Variants in CERKL observed in about 807,000 individuals in gnomAD.
The protein encoded by CERKL is ceramide kinase-like protein.
A neutral mutation model predicts 63.4 loss-of-function variants in CERKL; 61 were observed. The ratio of observed to expected loss-of-function variants is 0.96; its 90% CI spans 0.78 to 1.19. The LOEUF (loss-of-function observed/expected upper bound fraction) is 1.19. Ranked by LOEUF, CERKL falls within the 50% of genes most tolerant of loss-of-function variation. The pLI, the probability that CERKL is intolerant of heterozygous loss-of-function variation, is 0.00. For synonymous variants in CERKL, 250 were observed against 230.5 expected (o/e 1.08, Z -0.77); for missense variants, 675 against 655.5 (o/e 1.03, Z -0.33).
chr2:181,597,266 T>G (rs1685257890), intron 2 of CERKL, among the ~76,000 whole-genome samples: 1 of 152,196 alleles, frequency 6.6e-6, no homozygotes. Context: ...TCTGATAAAA[T>G]TAGGAGTTTG....
intron 1 of CERKL, among the ~76,000 whole-genome samples, chr2:181,651,495 A>G (rs10178686): frequency 0.25 from 38,262 of 152,100 alleles, 6,809 homozygotes; most frequent in African/African-American, 0.51. Flanking sequence ...AAACCCAACA[A>G]ATTAGGTATG....
At chr2:181,557,343 A>G (rs1208922661) in intron 5 of CERKL, among the ~76,000 whole-genome samples, 1 of 152,114 alleles carries the variant, frequency 6.6e-6, no homozygotes, top group East Asian at 1.9e-4. Context: ...GGTATTGCCT[A>G]GGTTTTCTTC....
intron 4 of CERKL, among the ~76,000 whole-genome samples, chr2:181,561,806 T>C (rs1429981664): frequency 6.6e-6 from 1 of 151,366 alleles, no homozygotes; most frequent in African/African-American, 2.4e-5. Context: ...TTTTTATAAT[T>C]TTTTATTTTA....
At chr2:181,584,674 T>G (rs564955367) in intron 2 of CERKL, among the ~76,000 whole-genome samples, 1 of 151,958 alleles carries the variant, frequency 6.6e-6, no homozygotes, top group East Asian at 1.9e-4. Flanking sequence ...TAATCCATTT[T>G]TCATTTAACC....
rs1688290653 is a variant in CERKL, at chr2:181,558,216, T to G, written c.820+350A>C. On this transcript the variant is annotated intron_variant, in intron 5 of 12. Transcript: ENST00000410087. This position sits in a 1 kb window ranked among gnomAD's most constrained non-coding sequence, Gnocchi z 4.2. ...TGGCCCTGTTTTGAAACTTCTTACC[T>G]GGTACTGTGTAATCAACAGATTTTT... 6.6e-6 allele frequency among the ~76,000 whole-genome samples: 1 copy of G among 152,170 alleles called. No homozygotes were observed. Among genetic ancestry groups the G allele is most frequent in the African/African-American group, 2.4e-5 (1 of 41,446 alleles).
intron 1 of CERKL, among the ~76,000 whole-genome samples, chr2:181,620,417 G>A (rs1686397390): frequency 6.6e-6 from 1 of 152,140 alleles, no homozygotes; most frequent in South Asian, 2.1e-4. Context: ...AAAGGGTTCT[G>A]CTACTTAGAA....
At chr2:181,572,087 G>A (rs2105843444) in intron 3 of CERKL, among the ~76,000 whole-genome samples, 1 of 152,070 alleles carries the variant, frequency 6.6e-6, no homozygotes, top group South Asian at 2.1e-4. Context: ...TAACACACAT[G>A]GACTCTCTCA....
chr2:181,607,900 T>C (rs1685785698), intron 1 of CERKL, among the ~76,000 whole-genome samples: 1 of 152,258 alleles, frequency 6.6e-6, no homozygotes, highest in Non-Finnish European at 1.5e-5. Context: ...ATGTATCTCT[T>C]ACCCACCTTA....
At chr2:181,643,370 G>C (rs1000132672) in intron 1 of CERKL, among the ~76,000 whole-genome samples, 6 of 152,188 alleles carry the variant, frequency 3.9e-5, no homozygotes, top group African/African-American at 1.4e-4. Context: ...GCCTTCAGCG[G>C]CCACTGCTGA....
At chr2:181,547,983 T>C (rs56263562) in intron 8 of CERKL, 136 bp from the exon 9 acceptor site, 99,730 of 813,830 alleles carry the variant, frequency 0.12, 7,056 homozygotes, top group East Asian at 0.23. Context: ...TTCAATTAGA[T>C]AGTAAGTAAA....
intron 1 of CERKL, among the ~76,000 whole-genome samples, chr2:181,637,355 C>T (rs963239796): frequency 5.9e-5 from 9 of 151,986 alleles, no homozygotes; most frequent in East Asian, 3.9e-4. Flanking sequence ...CCACTATTTG[C>T]GATAACAAAA....
intron 1 of CERKL, among the ~76,000 whole-genome samples, chr2:181,638,074 A>T (rs994202957): frequency 2.6e-5 from 4 of 152,178 alleles, no homozygotes; most frequent in Admixed American, 6.5e-5. Context: ...GGTAGGAGAA[A>T]AGAGACAATG....
At chr2:181,568,462 T>C (rs1199582878) in intron 3 of CERKL, among the ~76,000 whole-genome samples, 1 of 152,156 alleles carries the variant, frequency 6.6e-6, no homozygotes, top group Non-Finnish European at 1.5e-5. Flanking sequence ...AGGCCAGTTG[T>C]TTCTGTCTTT....
intron 4 of CERKL, among the ~76,000 whole-genome samples, chr2:181,561,685 C>T (rs1436873406): frequency 6.6e-6 from 1 of 152,076 alleles, no homozygotes; most frequent in East Asian, 1.9e-4. Flanking sequence ...AGTTTGATAC[C>T]TTTTAAGGTC....
intron 4 of CERKL, chr2:181,565,332 T>C: frequency 3.6e-6 from 3 of 825,476 alleles, no homozygotes; most frequent in Non-Finnish European, 4.2e-6. Context: ...AGAACTTCCC[T>C]AAAGGAATAT....
chr2:181,650,103 GAGGGAGGGAGGAAGGAAGGAAGGA>G (rs1406274736), intron 1 of CERKL: 61 of 83,276 alleles, frequency 7.3e-4, no homozygotes, highest in African/African-American at 2.4e-3. Flanking sequence ...GGGAGGGAGG[GAGGGAGGGAGGAAGGAAGGAAGGA>G]AGGAAGGAAG....
Position 181,536,781 on chromosome 2 carries a change from AT to A in CERKL, c.*1402del. On this transcript the variant is annotated 3_prime_UTR_variant, in exon 13 of 13. Transcript: ENST00000410087. ...TTCTTTAAATACAATCATTTTTGTA[AT>A]ATTTATTTTATGCTTATGATCTAGA... The A allele has an allele frequency of 4.1e-6, 1 of 244,802 alleles. No individual in the cohort carries two copies. Among genetic ancestry groups the A allele is most frequent in the Non-Finnish European group, 8.2e-6 (1 of 121,330 alleles). 15.2% of individuals were successfully genotyped at this position (244,802 alleles called of 1,614,324 possible).
intron 2 of CERKL, among the ~76,000 whole-genome samples, chr2:181,575,658 A>G (rs578043094): frequency 6.6e-6 from 1 of 152,308 alleles, no homozygotes; most frequent in South Asian, 2.1e-4. Context: ...GCAAAACAGC[A>G]GGGGTGAAAA....
chr2:181,618,021 T>C (rs540981359), intron 1 of CERKL, among the ~76,000 whole-genome samples: 1 of 152,250 alleles, frequency 6.6e-6, no homozygotes, highest in African/African-American at 2.4e-5. Context: ...TTGAAAAAAC[T>C]CAGAAAGTCA....
Sources: gnomAD v4.1 joint callset for allele counts (sites outside exome capture counted in the v4.1 genomes callset) on GRCh38, gnomAD v4.1.1 for gene constraint, Gnocchi (gnomAD v3.1) non-coding constraint, MANE v1.5 for transcripts, NCBI Gene and HGNC (gene_info 2026-07-23, HGNC 2026-07-21) for gene names.